The following PCDHA2 variants were observed in gnomAD, a reference collection of about 807,000 sequenced individuals.
PCDHA2 encodes the protein protocadherin alpha-2.
PCDHA2 carries 58 observed loss-of-function variants against 66.0 expected under a neutral mutation model. The ratio of observed to expected loss-of-function variants is 0.88; its 90% CI spans 0.71 to 1.09. The LOEUF is 1.09. PCDHA2 is among the 50% of genes least tolerant of loss of function. The pLI, the probability that PCDHA2 is intolerant of heterozygous loss-of-function variation, is 0.00. For synonymous variants in PCDHA2, 634 were observed against 554.0 expected (o/e 1.14, Z -2.03); for missense variants, 1,267 against 1,242.3 (o/e 1.02, Z -0.30).
At chr5:140,843,816 A>T in intron 1 of PCDHA2, 1 of 1,230,332 alleles carries the variant, frequency 8.1e-7, no homozygotes, top group Non-Finnish European at 1.1e-6. Context: ...TTTATAGTGA[A>T]AATTTAAACA....
chr5:140,830,913 T>G (rs1357987465), intron 1 of PCDHA2: 2 of 152,364 alleles, frequency 1.3e-5, no homozygotes, highest in African/African-American at 4.8e-5. Flanking sequence ...CACTTTCCAT[T>G]TCAATGTTTT....
intron 3 of PCDHA2, among the ~76,000 whole-genome samples, chr5:141,001,710 G>A (rs1422821009): frequency 6.6e-6 from 1 of 152,208 alleles, no homozygotes; most frequent in Non-Finnish European, 1.5e-5. Flanking sequence ...AGGGGGCGGG[G>A]AAGGAGCTTG....
chr5:141,010,089 G>T lies in PCDHA2; in HGVS notation c.*152G>T. On this transcript the variant is annotated 3_prime_UTR_variant, in exon 4 of 4. Coordinates refer to ENST00000526136, the MANE Select transcript of PCDHA2 (RefSeq NM_018905.3). The stretch of plus-strand genomic sequence containing the variant: ...AAAGTTCCCTGTGTCTGTCTAGAAC[G>T]CATTTAACAGGTTTTGTCGTAAAAG... 2 of 1,612,296 alleles carry T rather than the reference G, an allele frequency of 1.2e-6. No individual in the cohort carries two copies. Among genetic ancestry groups the T allele is most frequent in the East Asian group, 2.2e-5 (1 of 44,872 alleles).
intron 1 of PCDHA2, chr5:140,823,600 G>A: frequency 6.2e-6 from 10 of 1,614,032 alleles, no homozygotes; most frequent in Non-Finnish European, 8.5e-6. Flanking sequence ...GCTTTCGTAT[G>A]AGCTGCAGCC....
At chr5:140,883,470 A>T in intron 1 of PCDHA2, 3 of 1,614,126 alleles carry the variant, frequency 1.9e-6, no homozygotes, top group Non-Finnish European at 1.7e-6. Context: ...GTGTCCACCT[A>T]CAAGAACTAC....
At chr5:140,968,236 T>C in intron 1 of PCDHA2, 1 of 1,614,006 alleles carries the variant, frequency 6.2e-7, no homozygotes, top group East Asian at 2.2e-5. Flanking sequence ...TGCTCTGTAC[T>C]GTGCAAGCCA....
At chr5:140,911,822 C>A (rs2075653935) in intron 1 of PCDHA2, among the ~76,000 whole-genome samples, 1 of 152,104 alleles carries the variant, frequency 6.6e-6, no homozygotes. Context: ...CTCCAGAAAC[C>A]CCAAAACCAA....
At chr5:140,830,258 T>G in intron 1 of PCDHA2, 1 of 1,613,620 alleles carries the variant, frequency 6.2e-7, no homozygotes, top group Non-Finnish European at 8.5e-7. Flanking sequence ...AGCGCTGCGG[T>G]GCTCGGCGCC....
chr5:140,869,837 C>A (rs374182289), intron 1 of PCDHA2: 48 of 1,611,366 alleles, frequency 3.0e-5, no homozygotes, highest in Non-Finnish European at 3.6e-5. Flanking sequence ...TTTGATAAAT[C>A]AGAATATAAG....
chr5:140,842,323 C>A (rs2150334082), intron 1 of PCDHA2: 2 of 1,607,134 alleles, frequency 1.2e-6, no homozygotes. Flanking sequence ...CGGGTCATTG[C>A]ACCGTTTTAG....
chr5:141,008,953 A>G (rs1554261966), intron 3 of PCDHA2, among the ~76,000 whole-genome samples: 1 of 152,240 alleles, frequency 6.6e-6, no homozygotes, highest in African/African-American at 2.4e-5. Context: ...CAAAATAGAC[A>G]TCCTAATACA....
intron 1 of PCDHA2, among the ~76,000 whole-genome samples, chr5:140,840,393 T>C (rs1266640597): frequency 6.6e-6 from 1 of 151,926 alleles, no homozygotes; most frequent in African/African-American, 2.4e-5. Flanking sequence ...GTTGCAGATA[T>C]GGAGTTAAGA....
chr5:140,950,028 A>G (rs1288516742), intron 1 of PCDHA2, among the ~76,000 whole-genome samples: 6 of 151,954 alleles, frequency 3.9e-5, no homozygotes, highest in Non-Finnish European at 8.8e-5. Flanking sequence ...TAAAATATAG[A>G]AAAGTTACAA....
chr5:140,993,012 C>G (rs1307637137), intron 3 of PCDHA2, among the ~76,000 whole-genome samples: 2 of 152,198 alleles, frequency 1.3e-5, no homozygotes, highest in Admixed American at 1.3e-4. Context: ...CCCCAGAGTC[C>G]AGCATCCCCT....
chr5:140,933,306 G>A (rs1159375359), intron 1 of PCDHA2, among the ~76,000 whole-genome samples: 1 of 151,920 alleles, frequency 6.6e-6, no homozygotes, highest in African/African-American at 2.4e-5. Context: ...AAATAAATAT[G>A]CAATCTCGTA....
chr5:140,857,735 G>C (rs782288464), intron 1 of PCDHA2: 8 of 1,597,222 alleles, frequency 5.0e-6, no homozygotes, highest in South Asian at 1.1e-5. Flanking sequence ...CAACGCTCCC[G>C]CGCTGCTGGC....
intron 3 of PCDHA2, among the ~76,000 whole-genome samples, chr5:140,985,081 G>C (rs1028077723): frequency 1.3e-5 from 2 of 152,088 alleles, no homozygotes; most frequent in African/African-American, 4.8e-5. Flanking sequence ...GAGACTACAG[G>C]CGTGTGCCAC....
Position 140,823,224 on chromosome 5 carries a change from G to T in PCDHA2, c.2388+25872G>T, listed in dbSNP as rs2150123702. 6 of 1,613,550 alleles carry T rather than the reference G, an allele frequency of 3.7e-6. No homozygotes were observed. The Admixed American group carries it at 6.7e-5, about 18-fold the overall frequency. On this transcript the variant is annotated intron_variant, in intron 1 of 3. Coordinates refer to ENST00000526136, the MANE Select transcript of PCDHA2 (RefSeq NM_018905.3). Reference sequence around the variant, plus strand: ...CGGTGTCTGCACGGGACGCGGACGCGCAGGAGAACGCCCTGGTGTCCTACT... The same window carrying T: ...CGGTGTCTGCACGGGACGCGGACGCTCAGGAGAACGCCCTGGTGTCCTACT...
At chr5:140,841,293 T>C in intron 1 of PCDHA2, 3 of 1,494,776 alleles carry the variant, frequency 2.0e-6, no homozygotes, top group Non-Finnish European at 1.8e-6. Flanking sequence ...ATTAAGATAA[T>C]ATTTTCTGAT....
Sources: allele counts gnomAD v4.1 joint callset (sites outside exome capture counted in the v4.1 genomes callset), GRCh38; gene constraint gnomAD v4.1.1; transcripts MANE v1.5; gene names NCBI Gene and HGNC (gene_info 2026-07-23, HGNC 2026-07-21).